The following JAK2 variants were observed in gnomAD, a reference collection of about 807,000 sequenced individuals.
JAK2 encodes tyrosine-protein kinase JAK2.
In JAK2, 86 loss-of-function variants were observed where a neutral mutation model predicts 139.3. The ratio of observed to expected loss-of-function variants is 0.62; its 90% CI spans 0.52 to 0.74. The LOEUF (loss-of-function observed/expected upper bound fraction) is 0.74, where lower values mean the gene tolerates loss of function less well. Among genes scored for constraint, JAK2 ranks in the 30% least tolerant of loss-of-function variants. The probability of loss-of-function intolerance (pLI) is 0.00; values close to 1 mark genes in which losing one functional copy is unlikely to be tolerated. For missense variants in JAK2, 1,421 were observed against 1,360.3 expected, an observed-to-expected ratio of 1.04 and a Z score of -0.70; for synonymous variants, 490 against 437.7, an observed-to-expected ratio of 1.12 and a Z score of -1.49.
At chr9:4,996,660 G>C (rs1162059327) in intron 2 of JAK2, among the ~76,000 whole-genome samples, 1 of 146,158 alleles carries the variant, frequency 6.8e-6, no homozygotes, top group Middle Eastern at 3.3e-3. Context: ...CCACCATTTA[G>C]GACCCTGTCT....
intron 5 of JAK2, among the ~76,000 whole-genome samples, chr9:5,045,922 A>G (rs1816974964): frequency 6.6e-6 from 1 of 152,108 alleles, no homozygotes; most frequent in African/African-American, 2.4e-5. Flanking sequence ...GAATCGCTGG[A>G]TCATATGGTA....
chr9:5,077,638 A>G, intron 15 of JAK2, 58 bp downstream of exon 15: 8 of 1,113,830 alleles, frequency 7.2e-6, no homozygotes, highest in Non-Finnish European at 9.7e-6. Context: ...AACAATATAC[A>G]AATTATCTTT....
At chr9:5,079,071 G>A (rs1273368223) in intron 16 of JAK2, among the ~76,000 whole-genome samples, 3 of 152,116 alleles carry the variant, frequency 2.0e-5, no homozygotes, top group Non-Finnish European at 4.4e-5. Context: ...GTGCACTGAT[G>A]TGTCCTATTT....
At chr9:5,091,551 CTGGT>C (rs1820575289) in intron 22 of JAK2, 1 of 151,886 alleles carries the variant, frequency 6.6e-6, no homozygotes, top group Non-Finnish European at 1.5e-5. Flanking sequence ...TTGGTGGTTG[CTGGT>C]TGATCATTGT....
At chr9:4,994,381 A>T (rs902327438) in intron 2 of JAK2, among the ~76,000 whole-genome samples, 1 of 152,134 alleles carries the variant, frequency 6.6e-6, no homozygotes, top group Non-Finnish European at 1.5e-5. Flanking sequence ...TGAAACACAA[A>T]TTGCCGCTGG....
chr9:5,037,078 C>T (rs1563944899), intron 4 of JAK2, among the ~76,000 whole-genome samples: 1 of 152,174 alleles, frequency 6.6e-6, no homozygotes, highest in Non-Finnish European at 1.5e-5. Flanking sequence ...TGAAAGAAGA[C>T]ATTTATGCAG....
At chr9:5,109,209 A>G (rs926479705) in intron 22 of JAK2, 2 of 152,184 alleles carry the variant, frequency 1.3e-5, no homozygotes, top group South Asian at 2.1e-4. Flanking sequence ...CTTCCTTTAC[A>G]CGAGAAAATA....
chr9:4,988,946 C>A (rs979225156), intron 2 of JAK2, among the ~76,000 whole-genome samples: 2 of 152,126 alleles, frequency 1.3e-5, no homozygotes, highest in Non-Finnish European at 2.9e-5. Flanking sequence ...GCTTTCCCTC[C>A]TTTACTGTGT....
At chr9:5,044,724 GT>G (rs981039783) in intron 5 of JAK2, among the ~76,000 whole-genome samples, 4 of 152,070 alleles carry the variant, frequency 2.6e-5, no homozygotes, top group Non-Finnish European at 5.9e-5. Context: ...ATTTTATAAA[GT>G]TTTTTTGGAC....
chr9:5,010,748 C>G (rs554474568), intron 2 of JAK2, among the ~76,000 whole-genome samples: 430 of 152,272 alleles, frequency 2.8e-3, no homozygotes, highest in African/African-American at 0.01. Context: ...TTCCTTTAAT[C>G]CACATGATTT....
intron 4 of JAK2, among the ~76,000 whole-genome samples, chr9:5,042,372 C>T (rs556500201): frequency 1.5e-3 from 232 of 152,022 alleles, no homozygotes; most frequent in Non-Finnish European, 2.7e-3. Flanking sequence ...CTCCTGACCT[C>T]ATGATCCACC....
chr9:5,019,142 G>A (rs752570783), intron 2 of JAK2, among the ~76,000 whole-genome samples: 1 of 152,010 alleles, frequency 6.6e-6, no homozygotes, highest in Non-Finnish European at 1.5e-5. Context: ...CATTAACCAG[G>A]TTTTCTATTC....
chr9:5,100,602 T>C (rs977991423), intron 22 of JAK2: 2 of 152,266 alleles, frequency 1.3e-5, no homozygotes, highest in African/African-American at 2.4e-5. Context: ...CAGGCATTTT[T>C]CCCCTCAAAC....
chr9:5,124,621 CA>C (rs1823854703), intron 23 of JAK2, among the ~76,000 whole-genome samples: 1 of 151,754 alleles, frequency 6.6e-6, no homozygotes, highest in Non-Finnish European at 1.5e-5. Context: ...GCAAAAAGAA[CA>C]AAGCTGGAAG....
At chr9:5,082,609 C>T (rs893994193) in intron 19 of JAK2, among the ~76,000 whole-genome samples, 1 of 152,364 alleles carries the variant, frequency 6.6e-6, no homozygotes. Flanking sequence ...GGGGGACGGT[C>T]AGGTCTTTCC....
chr9:5,124,370 C>G (rs1357739739), intron 23 of JAK2, among the ~76,000 whole-genome samples: 1 of 151,422 alleles, frequency 6.6e-6, no homozygotes, highest in Non-Finnish European at 1.5e-5. Flanking sequence ...TGTAATCGAT[C>G]GAGTTAATTT....
chr9:5,090,933 A>T (rs2130683598), intron 22 of JAK2, 22 bp downstream of exon 22: 1 of 1,509,340 alleles, frequency 6.6e-7, no homozygotes. Flanking sequence ...TCAGTATGAT[A>T]AATGAAATTT....
intron 22 of JAK2, chr9:5,112,652 C>G: frequency 1.0e-6 from 1 of 984,176 alleles, no homozygotes; most frequent in Non-Finnish European, 1.4e-6. Context: ...CCAGACCAAA[C>G]TCCTTATCCT....
Position 5,055,699 on chromosome 9 carries a change from A to G in JAK2, c.967A>G (p.Ile323Val), listed in dbSNP as rs1402274814. 1.3e-6 allele frequency: 2 copies of G among 1,584,982 alleles called. No homozygotes were observed. The highest frequency in any genetic ancestry group is 1.7e-6 in the Non-Finnish European group (2 of 1,155,048). The change falls in exon 8 of 25, where the codon ATT becomes GTT. Residue 323 changes from isoleucine (I) to valine (V), a missense_variant. Physicochemically the swap from Ile to Val is conservative, Grantham distance 29 (BLOSUM62 3). Transcript: ENST00000381652. The part of the protein sequence containing the change: ...DLQLYCDFPN[I>V]IDVSIKQANQ... The stretch of plus-strand genomic sequence containing the variant: ...ACAGTTATATTGCGATTTTCCTAAT[A>G]TTATTGATGTCAGTATTAAGCAAGC...
Sources: allele counts gnomAD v4.1 joint callset (sites outside exome capture counted in the v4.1 genomes callset), GRCh38; gene constraint gnomAD v4.1.1; transcripts MANE v1.5; gene names NCBI Gene and HGNC (gene_info 2026-07-23, HGNC 2026-07-21).